The following SLC25A43 variants were observed in gnomAD, a reference collection of about 807,000 sequenced individuals.
SLC25A43 encodes solute carrier family 25 member 43, also known as solute carrier family 25, member 43.
SLC25A43 carries 10 observed loss-of-function variants against 22.8 expected under a neutral mutation model. The ratio of observed to expected loss-of-function variants is 0.44; its 90% CI spans 0.27 to 0.74. SLC25A43 has a LOEUF of 0.74. Among genes scored for constraint, SLC25A43 ranks in the 30% least tolerant of loss-of-function variants. The pLI is 0.17. For missense variants in SLC25A43, 233 were observed against 279.1 expected (o/e 0.83, Z 1.18); for synonymous variants, 106 against 121.6 (o/e 0.87, Z 0.84).
At chrX:119,414,348 A>G (rs1282227336) in intron 3 of SLC25A43, among the ~76,000 whole-genome samples, 1 of 111,715 alleles carries the variant, frequency 9.0e-6, no homozygotes, top group Non-Finnish European at 1.9e-5. Flanking sequence ...CCAGTTTGAC[A>G]TTTGGCTTCT....
At chrX:119,431,687 A>G (rs924820829) in intron 3 of SLC25A43, among the ~76,000 whole-genome samples, 2 of 111,810 alleles carry the variant, frequency 1.8e-5, no homozygotes, top group African/African-American at 6.5e-5. Context: ...CAGGAATTTG[A>G]TTTGACATTT....
chrX:119,447,426 C>T lies in SLC25A43; in HGVS notation c.691-4583C>T, dbSNP rs377123718. 4.5e-5 allele frequency among the ~76,000 whole-genome samples: 5 copies of T among 110,934 alleles called. No homozygotes were observed. The East Asian group carries it at 1.4e-3, about 31-fold the overall frequency. ...GCTCAAGCAACCCTCCCACCTCAGC[C>T]CCCCCAAGTAACTGGGACTACAGGT... On this transcript the variant is annotated intron_variant, in intron 3 of 4. Transcript: ENST00000217909.
intron 3 of SLC25A43, among the ~76,000 whole-genome samples, chrX:119,428,597 C>T (rs1441743698): frequency 8.9e-6 from 1 of 112,433 alleles, no homozygotes; most frequent in Admixed American, 9.4e-5. Flanking sequence ...AGATTATTTC[C>T]AGTCTTCTGC....
chrX:119,427,866 T>C (rs1484580572), intron 3 of SLC25A43, among the ~76,000 whole-genome samples: 1 of 112,322 alleles, frequency 8.9e-6, no homozygotes, highest in Non-Finnish European at 1.9e-5. Context: ...CTCTGGTCTT[T>C]CCTTTTTAAT....
chrX:119,446,892 C>A (rs1048986409), intron 3 of SLC25A43, among the ~76,000 whole-genome samples: 1 of 112,217 alleles, frequency 8.9e-6, no homozygotes. Flanking sequence ...GATTACAGTA[C>A]AATTGTGAAA....
At chrX:119,406,017 G>A (rs1454568296) in intron 1 of SLC25A43, among the ~76,000 whole-genome samples, 1 of 110,710 alleles carries the variant, frequency 9.0e-6, no homozygotes, top group Non-Finnish European at 1.9e-5. Context: ...GGCCAACAAA[G>A]TGAGACTCTG....
At position 119,399,589 on chromosome X, in the gene SLC25A43, A is replaced by G; in HGVS notation, c.186A>G (p.Ala62=). The G allele has an allele frequency of 9.6e-7, 1 of 1,042,392 alleles. No homozygotes were observed. The highest frequency in any genetic ancestry group is 1.2e-6 in the Non-Finnish European group (1 of 816,014). The allele number at this position is 1,042,392 out of a possible 1,213,427, so 85.9% of individuals were successfully genotyped here. ...PWATGHRVWR[A]EGLRALWKGN... is the part of the protein sequence containing the mutation. ...CCACAGGGCACCGGGTGTGGCGGGC[A>G]GAGGGGCTCCGGGCCCTGTGGAAGG... Residue 62 remains alanine, a synonymous_variant, in exon 1 of 5, where the codon GCA becomes GCG. Transcript: ENST00000217909.
chrX:119,449,235 G>GAAACCCCAAGGC (rs1405005973), intron 3 of SLC25A43, among the ~76,000 whole-genome samples: 52 of 108,753 alleles, frequency 4.8e-4, no homozygotes, highest in Non-Finnish European at 1.3e-4. Flanking sequence ...CCAACACAGG[G>GAAACCCCAAGGC]AAACCCCATC....
At chrX:119,415,087 AT>A (rs1187435845) in intron 3 of SLC25A43, among the ~76,000 whole-genome samples, 4 of 107,745 alleles carry the variant, frequency 3.7e-5, no homozygotes, top group Admixed American at 1.0e-4. Flanking sequence ...ACCCAGCTAA[AT>A]TTTTTTTTGT....
At chrX:119,442,675 A>G (rs2052631179) in intron 3 of SLC25A43, among the ~76,000 whole-genome samples, 1 of 112,241 alleles carries the variant, frequency 8.9e-6, no homozygotes, top group Admixed American at 9.5e-5. Context: ...TAAGACATCC[A>G]CTGAAGACCC....
intron 3 of SLC25A43, among the ~76,000 whole-genome samples, chrX:119,419,053 T>C (rs1005798738): frequency 8.9e-6 from 1 of 112,197 alleles, no homozygotes; most frequent in Non-Finnish European, 1.9e-5. Context: ...CAGGGAGTCC[T>C]GAGAAAATGG....
chrX:119,417,583 C>G (rs1242845693), intron 3 of SLC25A43, among the ~76,000 whole-genome samples: 4 of 110,792 alleles, frequency 3.6e-5, no homozygotes, highest in African/African-American at 6.6e-5. Context: ...CAGCCAACAC[C>G]GCATTCTACA....
At chrX:119,415,428 C>G (rs1603295380) in intron 3 of SLC25A43, among the ~76,000 whole-genome samples, 1 of 109,833 alleles carries the variant, frequency 9.1e-6, no homozygotes, top group Non-Finnish European at 1.9e-5. Flanking sequence ...GGTGCAGTGG[C>G]TTGTACCTGT....
intron 3 of SLC25A43, among the ~76,000 whole-genome samples, chrX:119,447,340 C>T (rs1182117200): frequency 9.0e-6 from 1 of 111,190 alleles, no homozygotes; most frequent in Admixed American, 9.6e-5. Flanking sequence ...TGGACTCACT[C>T]TATCGCCCAG....
chrX:119,435,457 CTTT>C (rs1175233726), intron 3 of SLC25A43, among the ~76,000 whole-genome samples: 1,080 of 54,645 alleles, frequency 0.02, 8 homozygotes, highest in African/African-American at 0.068. Flanking sequence ...AGATTTTATT[CTTT>C]TTTTTTTTTT....
chrX:119,429,171 C>T (rs1453389842), intron 3 of SLC25A43, among the ~76,000 whole-genome samples: 2 of 109,321 alleles, frequency 1.8e-5, no homozygotes, highest in African/African-American at 3.3e-5. Context: ...CCTGCCTCAC[C>T]CTCCCGAGTA....
At chrX:119,444,475 G>A (rs1281866991) in intron 3 of SLC25A43, among the ~76,000 whole-genome samples, 1 of 110,163 alleles carries the variant, frequency 9.1e-6, no homozygotes, top group African/African-American at 3.3e-5. Context: ...GGAGGCCGAG[G>A]TGGGTGGATC....
intron 2 of SLC25A43, among the ~76,000 whole-genome samples, chrX:119,409,149 A>G (rs1005104617): frequency 4.4e-4 from 47 of 106,902 alleles, no homozygotes; most frequent in African/African-American, 1.6e-3. Flanking sequence ...TCATCAGTCC[A>G]TTTTTATTTT....
At chrX:119,420,151 T>C (rs758785026) in intron 3 of SLC25A43, among the ~76,000 whole-genome samples, 13 of 111,664 alleles carry the variant, frequency 1.2e-4, no homozygotes, top group African/African-American at 4.2e-4. Context: ...GCCTGCAAGT[T>C]CACCCATCCA....
Sources: gnomAD v4.1 joint callset for allele counts (sites outside exome capture counted in the v4.1 genomes callset) on GRCh38, gnomAD v4.1.1 for gene constraint, MANE v1.5 for transcripts, NCBI Gene and HGNC (gene_info 2026-07-23, HGNC 2026-07-21) for gene names.